The following PTPRA variants were observed in gnomAD, a reference collection of about 807,000 sequenced individuals.
The protein encoded by PTPRA is protein tyrosine phosphatase receptor type A.
PTPRA carries 25 observed loss-of-function variants against 104.8 expected under a neutral mutation model. That is an observed-to-expected ratio of 0.24 (90% confidence interval 0.17 to 0.33). The LOEUF is 0.33. PTPRA is among the 10% of genes least tolerant of loss of function. The probability of loss-of-function intolerance (pLI) is 1.00; values close to 1 mark genes in which losing one functional copy is unlikely to be tolerated. For synonymous variants in PTPRA, 323 were observed against 368.9 expected, an observed-to-expected ratio of 0.88 and a Z score of 1.43; for missense variants, 765 against 1,015.3, an observed-to-expected ratio of 0.75 and a Z score of 3.35.
chr20:2,900,083 C>T (rs898371305), intron 1 of PTPRA, among the ~76,000 whole-genome samples: 11 of 151,904 alleles, frequency 7.2e-5, no homozygotes, highest in African/African-American at 2.7e-4. Context: ...GCACTCTAGC[C>T]TGGGCGACAG....
chr20:3,005,142 G>T lies in PTPRA; in HGVS notation c.825G>T (p.Leu275Phe). The T allele has an allele frequency of 6.3e-7, 1 of 1,588,840 alleles. No homozygotes were observed. The highest frequency in any genetic ancestry group is 8.6e-7 in the Non-Finnish European group (1 of 1,156,942). ...AAAAAAATCGATATGTAAACATCTT[G>T]CCTTGTGAGTGTCTTTAGTGTTTCT... ...NKEKNRYVNI[L>F]PYDHSRVHLT... Residue 275 changes from leucine (L) to phenylalanine (F), a missense_variant, in exon 10 of 24, where the codon TTG becomes TTT. Transcript: ENST00000399903.
At chr20:2,943,291 A>G (rs555307893) in intron 2 of PTPRA, among the ~76,000 whole-genome samples, 1 of 142,804 alleles carries the variant, frequency 7.0e-6, no homozygotes, top group South Asian at 2.2e-4. Flanking sequence ...GTCATATATT[A>G]CATACATATT....
At chr20:2,943,242 G>A (rs939787011) in intron 2 of PTPRA, among the ~76,000 whole-genome samples, 1 of 132,358 alleles carries the variant, frequency 7.6e-6, no homozygotes, top group Non-Finnish European at 1.5e-5. Flanking sequence ...GGGTAGTACT[G>A]AAATTATATT....
At chr20:2,867,194 G>A in the PTPRA span, among the ~76,000 whole-genome samples, 3 of 152,210 alleles carry the variant, frequency 2.0e-5, no homozygotes, top group Admixed American at 1.3e-4. Flanking sequence ...AACTGGAATC[G>A]GGCCCTCTGT....
intron 1 of PTPRA, among the ~76,000 whole-genome samples, chr20:2,910,479 A>AATT (rs2059663130): frequency 1.5e-5 from 1 of 66,166 alleles, no homozygotes; most frequent in East Asian, 6.0e-4. Flanking sequence ...TTTTATATAT[A>AATT]CTTTTTTTTT....
intron 5 of PTPRA, among the ~76,000 whole-genome samples, chr20:2,967,499 G>A (rs543290454): frequency 1.3e-5 from 2 of 152,074 alleles, no homozygotes; most frequent in South Asian, 4.2e-4. Flanking sequence ...AAGTATAAAT[G>A]GATTGTTTTT....
At chr20:2,895,734 TG>T (rs1372706498) in intron 1 of PTPRA, among the ~76,000 whole-genome samples, 5 of 152,116 alleles carry the variant, frequency 3.3e-5, no homozygotes, top group African/African-American at 4.8e-5. Context: ...TTCCCCATCT[TG>T]GCCAGGCTGT....
At chr20:2,938,809 T>G (rs1465828336) in intron 2 of PTPRA, among the ~76,000 whole-genome samples, 2 of 152,218 alleles carry the variant, frequency 1.3e-5, no homozygotes, top group Non-Finnish European at 2.9e-5. Context: ...GTTTATAATG[T>G]CTTGTTTGAG....
intron 13 of PTPRA, among the ~76,000 whole-genome samples, chr20:3,018,860 C>A (rs1380328409): frequency 1.9e-5 from 2 of 106,642 alleles, no homozygotes; most frequent in African/African-American, 4.6e-5. Flanking sequence ...GGGGCTGATC[C>A]CCCCACCTCC....
rs1485739093 is a variant in PTPRA, at chr20:3,018,987, C to T, written c.1041+1074C>T. On this transcript the variant is annotated intron_variant, in intron 13 of 23. Transcript: ENST00000399903. ...CGGCTGGCCGGGCAGGGGGCTGATC[C>T]CCCAACCTCCCTCCCGGACAGGGCA... Among the ~76,000 whole-genome samples, 434 of 137,854 alleles carry T rather than the reference C, an allele frequency of 3.1e-3. 15 individuals are homozygous for T. The highest frequency in any genetic ancestry group is 0.01 in the African/African-American group (366 of 36,416). 90.4% of individuals were successfully genotyped at this position (137,854 alleles called of 152,430 possible). A position where few individuals can be genotyped will look rare whatever the true frequency, so the allele number is the denominator to read the frequency against.
chr20:2,935,670 T>C (rs2147573036), intron 2 of PTPRA, among the ~76,000 whole-genome samples: 1 of 152,292 alleles, frequency 6.6e-6, no homozygotes, highest in Admixed American at 6.5e-5. Flanking sequence ...GTGATCTACT[T>C]CAGCTTCGCT....
the PTPRA span, chr20:2,866,275 G>A: frequency 1.1e-5 from 18 of 1,613,994 alleles, no homozygotes; most frequent in Middle Eastern, 1.6e-4. Flanking sequence ...TGCTTCCCGC[G>A]TGGGTCCCGA....
intron 3 of PTPRA, among the ~76,000 whole-genome samples, chr20:2,959,045 C>CT (rs1447759820): frequency 6.6e-6 from 1 of 151,690 alleles, no homozygotes; most frequent in African/African-American, 2.4e-5. Context: ...TATGGGGGGT[C>CT]GGGAAGTCAC....
At chr20:2,987,470 T>C (rs1480139929) in intron 7 of PTPRA, among the ~76,000 whole-genome samples, 2 of 152,108 alleles carry the variant, frequency 1.3e-5, no homozygotes, top group African/African-American at 4.8e-5. Context: ...CCCTGACTAA[T>C]TGGATTTAGC....
intron 6 of PTPRA, among the ~76,000 whole-genome samples, chr20:2,984,572 T>C (rs2062822148): frequency 6.6e-6 from 1 of 152,202 alleles, no homozygotes; most frequent in Non-Finnish European, 1.5e-5. Flanking sequence ...TATGGGTCAG[T>C]TTAGCTTTTA....
At position 3,033,175 on chromosome 20, in the gene PTPRA, CT is replaced by C. The variant is rs554911146; in HGVS notation, c.1921-2409del. On this transcript the variant is annotated intron_variant, in intron 20 of 23. Coordinates refer to ENST00000399903, the MANE Select transcript of PTPRA (RefSeq NM_001385305.1). The stretch of plus-strand genomic sequence containing the variant: ...AACCCATATGCCAGGGATCCTCAAT[CT>C]GCGTCTCTAGGCCAGTCACCTGTCC... Among the ~76,000 whole-genome samples, 152 of 152,072 alleles carry C rather than the reference CT, an allele frequency of 1.0e-3. 2 individuals carry two copies. The highest frequency in any genetic ancestry group is 5.0e-4 in the Non-Finnish European group (34 of 67,910).
At chr20:2,958,944 C>T (rs1466390864) in intron 3 of PTPRA, among the ~76,000 whole-genome samples, 1 of 151,964 alleles carries the variant, frequency 6.6e-6, no homozygotes, top group African/African-American at 2.4e-5. Context: ...GACCTCAACC[C>T]TACTTCCTGA....
At chr20:2,870,550 G>C (rs1005385704), upstream of PTPRA, among the ~76,000 whole-genome samples, 1 of 152,324 alleles carries the variant, frequency 6.6e-6, no homozygotes, top group Non-Finnish European at 1.5e-5. Flanking sequence ...CCTGAGAGCA[G>C]AGGCCTCTTC....
chr20:3,015,548 C>T (rs892093795), intron 11 of PTPRA, among the ~76,000 whole-genome samples: 4 of 152,104 alleles, frequency 2.6e-5, no homozygotes, highest in South Asian at 2.1e-4. Context: ...TTAGATGATC[C>T]GCCCACCTTG....
Sources: allele counts gnomAD v4.1 joint callset (sites outside exome capture counted in the v4.1 genomes callset), GRCh38; gene constraint gnomAD v4.1.1; transcripts MANE v1.5; gene names NCBI Gene and HGNC (gene_info 2026-07-23, HGNC 2026-07-21).